The following TRIM37 variants were observed in gnomAD, a reference collection of about 807,000 sequenced individuals.
TRIM37 encodes the protein tripartite motif containing 37.
TRIM37 carries 80 observed loss-of-function variants against 129.8 expected under a neutral mutation model. The ratio of observed to expected loss-of-function variants is 0.62; its 90% CI spans 0.51 to 0.74. TRIM37 has a LOEUF of 0.74. Ranked by LOEUF, TRIM37 falls within the 30% of genes least tolerant of loss-of-function variation. TRIM37 has a pLI of 0.00. For synonymous variants in TRIM37, 389 were observed against 387.1 expected, an observed-to-expected ratio of 1.00 and a Z score of -0.06; for missense variants, 1,054 against 1,176.5, an observed-to-expected ratio of 0.90 and a Z score of 1.52.
At chr17:58,991,434 G>A (rs556003257) in intron 24 of TRIM37, among the ~76,000 whole-genome samples, 1 of 152,248 alleles carries the variant, frequency 6.6e-6, no homozygotes, top group Non-Finnish European at 1.5e-5. Context: ...TACTCGGAAG[G>A]CTGAGACAGG....
intron 1 of TRIM37, among the ~76,000 whole-genome samples, chr17:59,105,741 T>C (rs1292219919): frequency 6.6e-6 from 1 of 152,150 alleles, no homozygotes; most frequent in African/African-American, 2.4e-5. Flanking sequence ...GACTACTGAA[T>C]GACTAGTTTC....
At chr17:59,013,988 A>G (rs1398777165) in intron 21 of TRIM37, among the ~76,000 whole-genome samples, 3 of 148,648 alleles carry the variant, frequency 2.0e-5, no homozygotes, top group Non-Finnish European at 3.0e-5. Flanking sequence ...TACACTCTAG[A>G]AAAAAAAAAA....
At chr17:58,992,342 T>TAA (rs1555628564) in intron 24 of TRIM37, among the ~76,000 whole-genome samples, 1 of 133,938 alleles carries the variant, frequency 7.5e-6, no homozygotes, top group African/African-American at 2.8e-5. Flanking sequence ...TATATATATA[T>TAA]AAATACAGAG....
At chr17:59,004,741 T>C (rs116898598) in intron 22 of TRIM37, among the ~76,000 whole-genome samples, 1 of 152,106 alleles carries the variant, frequency 6.6e-6, no homozygotes, top group African/African-American at 2.4e-5. Context: ...CAAGGAAAAA[T>C]CGATGGGTAT....
At chr17:59,048,000 T>C (rs938734298) in intron 15 of TRIM37, among the ~76,000 whole-genome samples, 181 bp from the exon 16 acceptor site, 3 of 152,192 alleles carry the variant, frequency 2.0e-5, no homozygotes, top group Non-Finnish European at 4.4e-5. Flanking sequence ...CTGACTGATA[T>C]CATTTTACTA....
rs763661189 is a variant in TRIM37, at chr17:59,101,655, C to CAAA, written c.123+2635_123+2637dup. Among the ~76,000 whole-genome samples the CAAA allele has an allele frequency of 3.0e-3, 175 of 58,700 alleles. 10 individuals are homozygous for CAAA. Among genetic ancestry groups the CAAA allele is most frequent in the African/African-American group, 8.5e-3 (149 of 17,512 alleles). The allele number at this position is 58,700 out of a possible 152,430, so 38.5% of individuals were successfully genotyped here. A position where few individuals can be genotyped will look rare whatever the true frequency, so the allele number is the denominator to read the frequency against. ...GCAACATAGTGAAACCCCATCTCTA[C>CAAA]AAAAAAAAAAAAAAAAAAAAAAATA... On this transcript the variant is annotated intron_variant, in intron 2 of 23. Coordinates refer to ENST00000262294, the MANE Select transcript of TRIM37 (RefSeq NM_015294.6).
chr17:59,089,558 T>C (rs1187619104), intron 3 of TRIM37, among the ~76,000 whole-genome samples: 1 of 151,040 alleles, frequency 6.6e-6, no homozygotes, highest in Non-Finnish European at 1.5e-5. Context: ...GGAGAATCAC[T>C]TGAACCAGGG....
At chr17:59,042,840 A>C (rs963852637) in intron 16 of TRIM37, among the ~76,000 whole-genome samples, 1 of 152,128 alleles carries the variant, frequency 6.6e-6, no homozygotes, top group Non-Finnish European at 1.5e-5. Context: ...AAAAAATAGA[A>C]ATAAATGAAA....
intron 17 of TRIM37, among the ~76,000 whole-genome samples, chr17:59,034,101 C>T (rs1416669183): frequency 6.7e-6 from 1 of 149,366 alleles, no homozygotes; most frequent in African/African-American, 2.5e-5. Flanking sequence ...AGTGAGACTC[C>T]ATCTCAAAAA....
At chr17:58,995,554 G>A (rs1286640648), downstream of TRIM37, among the ~76,000 whole-genome samples, 2 of 152,044 alleles carry the variant, frequency 1.3e-5, no homozygotes, top group Non-Finnish European at 2.9e-5. Context: ...ATCATATATA[G>A]ATATATAAAG....
chr17:59,007,241 A>ACC (rs2144739310), intron 22 of TRIM37, among the ~76,000 whole-genome samples: 1 of 98,754 alleles, frequency 1.0e-5, no homozygotes, highest in Admixed American at 1.4e-4. Flanking sequence ...CCACACACAC[A>ACC]CACACGTTCC....
chr17:59,079,582 C>T (rs553091710), intron 7 of TRIM37, among the ~76,000 whole-genome samples, 172 bp downstream of exon 7: 2 of 152,170 alleles, frequency 1.3e-5, no homozygotes, highest in East Asian at 3.9e-4. Context: ...AAATTTTTCT[C>T]TCCTATCATT....
At chr17:59,034,112 A>T (rs953709709) in intron 17 of TRIM37, among the ~76,000 whole-genome samples, 1 of 151,942 alleles carries the variant, frequency 6.6e-6, no homozygotes, top group African/African-American at 2.4e-5. Context: ...ATCTCAAAAA[A>T]AAAAAAAGGA....
At chr17:58,968,250 A>C in the TRIM37 span, among the ~76,000 whole-genome samples, 7 of 152,140 alleles carry the variant, frequency 4.6e-5, no homozygotes, top group Non-Finnish European at 7.4e-5. Context: ...TTGTGAATGT[A>C]ATATACCCTT....
chr17:58,984,841 C>G (rs1320224843), intron 24 of TRIM37: 1 of 152,396 alleles, frequency 6.6e-6, no homozygotes, highest in Non-Finnish European at 1.5e-5. Flanking sequence ...CAGACTGACA[C>G]AGCAGTTGTT....
At chr17:59,095,293 C>T (rs752440755) in intron 2 of TRIM37, among the ~76,000 whole-genome samples, 1 of 151,844 alleles carries the variant, frequency 6.6e-6, no homozygotes, top group African/African-American at 2.4e-5. Context: ...CCAAAGATAA[C>T]GTTTCAAGAA....
At chr17:59,078,337 A>G (rs902840228) in intron 7 of TRIM37, among the ~76,000 whole-genome samples, 3 of 152,206 alleles carry the variant, frequency 2.0e-5, no homozygotes, top group African/African-American at 2.4e-5. Flanking sequence ...TGAAAGCCAC[A>G]AAAGCAGGGC....
intron 16 of TRIM37, among the ~76,000 whole-genome samples, chr17:59,042,500 C>T (rs1351577369): frequency 1.4e-5 from 2 of 141,184 alleles, no homozygotes; most frequent in African/African-American, 2.7e-5. Flanking sequence ...CAGTGACTCA[C>T]GCCTGAAATC....
intron 4 of TRIM37, among the ~76,000 whole-genome samples, chr17:59,085,053 G>A (rs750802819): frequency 2.0e-5 from 3 of 152,118 alleles, no homozygotes; most frequent in South Asian, 2.1e-4. Context: ...CGGGTGCAGC[G>A]GTGGCTCATG....
Sources: allele counts gnomAD v4.1 joint callset (sites outside exome capture counted in the v4.1 genomes callset), GRCh38; gene constraint gnomAD v4.1.1; transcripts MANE v1.5; gene names NCBI Gene and HGNC (gene_info 2026-07-23, HGNC 2026-07-21).